Variants in DGKB observed in about 807,000 individuals in gnomAD.
The protein encoded by DGKB is diacylglycerol kinase beta.
A neutral mutation model predicts 114.3 loss-of-function variants in DGKB; 67 were observed. The observed-to-expected ratio is 0.59, with a 90% CI of 0.48 to 0.72. DGKB has a LOEUF of 0.72. Ranked by LOEUF, DGKB falls within the 30% of genes least tolerant of loss-of-function variation. The probability of loss-of-function intolerance (pLI) is 0.00; values close to 1 mark genes in which losing one functional copy is unlikely to be tolerated. For synonymous variants in DGKB, 398 were observed against 323.1 expected, an observed-to-expected ratio of 1.23 and a Z score of -2.49; for missense variants, 907 against 975.2, an observed-to-expected ratio of 0.93 and a Z score of 0.93.
At chr7:14,369,312 G>T (rs1187576376) in intron 21 of DGKB, among the ~76,000 whole-genome samples, 1 of 152,116 alleles carries the variant, frequency 6.6e-6, no homozygotes, top group Non-Finnish European at 1.5e-5. Flanking sequence ...TCTTTATCCA[G>T]TCTATCATTG....
At chr7:14,737,609 T>C (rs1831927086) in intron 4 of DGKB, among the ~76,000 whole-genome samples, 1 of 152,108 alleles carries the variant, frequency 6.6e-6, no homozygotes, top group Non-Finnish European at 1.5e-5. Context: ...CCTAATAGAA[T>C]CTCAGGCAAT....
At chr7:14,416,053 G>C (rs1825685743) in intron 21 of DGKB, among the ~76,000 whole-genome samples, 1 of 152,004 alleles carries the variant, frequency 6.6e-6, no homozygotes, top group Admixed American at 6.6e-5. Context: ...GTGTTTTTTG[G>C]CTGCATAAAT....
At chr7:14,431,308 C>G (rs1828416342) in intron 21 of DGKB, among the ~76,000 whole-genome samples, 1 of 152,074 alleles carries the variant, frequency 6.6e-6, no homozygotes, top group Non-Finnish European at 1.5e-5. Flanking sequence ...ACATTTTTAT[C>G]TACTGAGACT....
intron 23 of DGKB, among the ~76,000 whole-genome samples, chr7:14,319,837 A>C (rs1275087358): frequency 2.6e-5 from 4 of 152,240 alleles, no homozygotes; most frequent in African/African-American, 9.6e-5. Flanking sequence ...AGCACTAAGA[A>C]AAAGTGCAAT....
At chr7:14,631,622 C>A (rs546813012) in intron 13 of DGKB, among the ~76,000 whole-genome samples, 2 of 151,960 alleles carry the variant, frequency 1.3e-5, no homozygotes, top group Non-Finnish European at 2.9e-5. Flanking sequence ...TTTGGTAGAG[C>A]CTTTACTGAA....
At chr7:14,562,189 A>G (rs1478761899) in intron 20 of DGKB, among the ~76,000 whole-genome samples, 1 of 152,242 alleles carries the variant, frequency 6.6e-6, no homozygotes, top group Non-Finnish European at 1.5e-5. Flanking sequence ...GCCTGCAGGT[A>G]CATAGAAGTC....
At chr7:14,572,912 TA>T in intron 20 of DGKB, among the ~76,000 whole-genome samples, 1 of 152,274 alleles carries the variant, frequency 6.6e-6, no homozygotes, top group East Asian at 1.9e-4. Context: ...TAGATATTTT[TA>T]AATATAGAAT....
At chr7:14,674,067 T>C (rs890735045) in intron 12 of DGKB, among the ~76,000 whole-genome samples, 9 of 152,130 alleles carry the variant, frequency 5.9e-5, no homozygotes, top group Non-Finnish European at 1.2e-4. Flanking sequence ...TTATTTTTAG[T>C]AATAGAACAG....
intron 1 of DGKB, among the ~76,000 whole-genome samples, chr7:14,866,640 G>C (rs1851751185): frequency 6.6e-6 from 1 of 152,054 alleles, no homozygotes. Flanking sequence ...ACCCTAGAAG[G>C]ACATTTTGGT....
chr7:14,588,758 T>C (rs1291348266), intron 17 of DGKB, among the ~76,000 whole-genome samples: 1 of 152,160 alleles, frequency 6.6e-6, no homozygotes, highest in Non-Finnish European at 1.5e-5. Context: ...TATTGTGTTT[T>C]ACTCACGACT....
At chr7:14,413,124 A>G (rs1825156230) in intron 21 of DGKB, among the ~76,000 whole-genome samples, 1 of 152,160 alleles carries the variant, frequency 6.6e-6, no homozygotes, top group South Asian at 2.1e-4. Context: ...GCAAAACTAA[A>G]GTGATATAGC....
At chr7:14,183,385 G>C (rs1354226037) in intron 23 of DGKB, among the ~76,000 whole-genome samples, 1 of 152,130 alleles carries the variant, frequency 6.6e-6, no homozygotes, top group Non-Finnish European at 1.5e-5. Context: ...GGGGTGGGTA[G>C]GAAGAGTTTT....
At chr7:14,805,099 T>C (rs1842634153) in intron 2 of DGKB, among the ~76,000 whole-genome samples, 1 of 152,052 alleles carries the variant, frequency 6.6e-6, no homozygotes, top group Admixed American at 6.6e-5. Flanking sequence ...ACTTCTTCCT[T>C]TATAGAAATT....
intron 23 of DGKB, among the ~76,000 whole-genome samples, chr7:14,195,307 T>C: frequency 6.6e-6 from 1 of 152,230 alleles, no homozygotes; most frequent in East Asian, 1.9e-4. Context: ...GTGCCATCAC[T>C]AAACAAAGCA....
intron 23 of DGKB, among the ~76,000 whole-genome samples, chr7:14,213,874 A>G (rs895299419): frequency 4.6e-5 from 7 of 152,148 alleles, no homozygotes; most frequent in Admixed American, 1.3e-4. Context: ...GATAGTAATA[A>G]ATGTTTCTTT....
chr7:14,902,903 G>A (rs1361728618), upstream of DGKB: 4 of 152,080 alleles, frequency 2.6e-5, no homozygotes, highest in African/African-American at 4.8e-5. Context: ...CTGATCATTT[G>A]CAACTAAAAA....
intron 2 of DGKB, among the ~76,000 whole-genome samples, chr7:14,766,687 C>T (rs1209728450): frequency 1.3e-5 from 2 of 151,740 alleles, no homozygotes; most frequent in Non-Finnish European, 2.9e-5. Flanking sequence ...CAGTATTTAA[C>T]TGGATGACAT....
At chr7:14,677,948 A>C (rs1318615047) in intron 12 of DGKB, among the ~76,000 whole-genome samples, 1 of 152,118 alleles carries the variant, frequency 6.6e-6, no homozygotes, top group Non-Finnish European at 1.5e-5. Context: ...TCTACAAGAT[A>C]GCCAACTAGT....
At chr7:14,244,833 C>G (rs1342843966) in intron 23 of DGKB, among the ~76,000 whole-genome samples, 1 of 151,930 alleles carries the variant, frequency 6.6e-6, no homozygotes, top group African/African-American at 2.4e-5. Flanking sequence ...GAAAAGTGGT[C>G]CCTCACTAGA....
Sources: allele counts gnomAD v4.1 joint callset (sites outside exome capture counted in the v4.1 genomes callset), GRCh38; gene constraint gnomAD v4.1.1; transcripts MANE v1.5; gene names NCBI Gene and HGNC (gene_info 2026-07-23, HGNC 2026-07-21).